CAD: variants seen among roughly 807,000 people sequenced by gnomAD.
CAD encodes the protein multifunctional protein CAD.
CAD carries 81 observed loss-of-function variants against 237.2 expected under a neutral mutation model. The observed-to-expected ratio is 0.34, with a 90% CI of 0.29 to 0.41. The LOEUF (loss-of-function observed/expected upper bound fraction) is 0.41, where lower values mean the gene tolerates loss of function less well. Ranked by LOEUF, CAD falls within the 10% of genes least tolerant of loss-of-function variation. The pLI is 1.00. For missense variants in CAD, 2,181 were observed against 2,951.7 expected (o/e 0.74, Z 6.05); for synonymous variants, 1,196 against 1,162.8 (o/e 1.03, Z -0.58).
Position 27,237,605 on chromosome 2 carries a change from C to T in CAD, c.4563+60C>T. 6.3e-7 allele frequency: 1 copy of T among 1,583,228 alleles called. No homozygotes were observed. The highest frequency in any genetic ancestry group is 1.1e-5 in the South Asian group (1 of 87,154). ...CATATGCCCCTACCAGCCACCCTTG[C>T]TTCCCTGAGCCCTTTTCCTTCTGCC... On this transcript the variant is annotated intron_variant, in intron 28 of 43. Coordinates refer to ENST00000264705, the MANE Select transcript of CAD (RefSeq NM_004341.5). The surrounding 1 kb of genome is among the most constrained non-coding windows in gnomAD (Gnocchi z 4.0).
intron 9 of CAD, 116 bp downstream of exon 9, chr2:27,224,606 G>A: frequency 6.5e-7 from 1 of 1,541,568 alleles, no homozygotes; most frequent in South Asian, 1.2e-5. Flanking sequence ...GGAATGTAGA[G>A]AAAGATGTAG....
intron 15 of CAD, chr2:27,227,529 T>C (rs948782959): frequency 6.6e-6 from 1 of 152,326 alleles, no homozygotes; most frequent in Admixed American, 6.5e-5. Context: ...TAGTGGCCTT[T>C]AAACAAGTAA....
Position 27,241,070 on chromosome 2 carries a change from C to A in CAD, c.5651C>A (p.Thr1884Asn). 6.2e-7 allele frequency: 1 copy of A among 1,609,986 alleles called. No individual in the cohort carries two copies. Among genetic ancestry groups the A allele is most frequent in the South Asian group, 1.1e-5 (1 of 90,690 alleles). Residue 1884 changes from threonine (T) to asparagine (N), a missense_variant, in exon 37 of 44, where the codon ACC becomes AAC. Transcript: ENST00000264705. This position sits in a 1 kb window ranked among gnomAD's most constrained non-coding sequence, Gnocchi z 4.6. ...RKVAEPELMG[T>N]PDGTCYPPPP... is the part of the protein sequence containing the mutation. ...TCCCTCACTGCAGAGCTGATGGGAA[C>A]CCCTGATGGCACCTGCTACCCTCCA...
intron 14 of CAD, 27 bp from the exon 15 acceptor site, chr2:27,226,805 T>C: frequency 6.2e-7 from 1 of 1,613,564 alleles, no homozygotes; most frequent in South Asian, 1.1e-5. Context: ...TCACTGTCCT[T>C]CTGGCATCCC....
chr2:27,230,420 T>C (rs1675685991), intron 15 of CAD, among the ~76,000 whole-genome samples: 1 of 151,920 alleles, frequency 6.6e-6, no homozygotes, highest in African/African-American at 2.4e-5. Flanking sequence ...GGCGGGTGGA[T>C]CACGGGGTCA....
At chr2:27,219,864 C>T (rs764125559) in intron 2 of CAD, among the ~76,000 whole-genome samples, 2 of 152,244 alleles carry the variant, frequency 1.3e-5, no homozygotes, top group African/African-American at 2.4e-5. Flanking sequence ...GCTGGGATTA[C>T]AGGCGTGAGC....
intron 15 of CAD, among the ~76,000 whole-genome samples, chr2:27,229,902 TG>T (rs1347767115): frequency 1.4e-5 from 2 of 142,094 alleles, no homozygotes; most frequent in Admixed American, 7.1e-5. Flanking sequence ...AAAAGCTAAA[TG>T]TCCTTCAGTT....
chr2:27,232,760 C>G lies in CAD; in HGVS notation c.2892+66C>G, dbSNP rs1289648082. ...GTTCATCTCTAGCAATTGCTTGGCA[C>G]TAATCCTGGCATTTCCTATTAATTG... On this transcript the variant is annotated intron_variant, in intron 18 of 43. Coordinates refer to ENST00000264705, the MANE Select transcript of CAD (RefSeq NM_004341.5). The surrounding 1 kb of genome is among the most constrained non-coding windows in gnomAD (Gnocchi z 4.1). 2.5e-6 allele frequency: 4 copies of G among 1,588,934 alleles called. No individual in the cohort carries two copies. The highest frequency in any genetic ancestry group is 1.7e-5 in the Admixed American group (1 of 59,552).
At position 27,233,976 on chromosome 2, in the gene CAD, C is replaced by A; in HGVS notation, c.3400-32C>A. On this transcript the variant is annotated intron_variant, in intron 21 of 43. Transcript: ENST00000264705. The surrounding 1 kb of genome is among the most constrained non-coding windows in gnomAD (Gnocchi z 6.3). ...AGAGTAAGTGAGAGAAGAAAGTGGC[C>A]CTATGTCCCACTGTCTGTGTCCCCC... is the stretch of plus-strand genomic sequence containing the variant. The A allele has an allele frequency of 6.3e-7, 1 of 1,591,154 alleles. No homozygotes were observed. The highest frequency in any genetic ancestry group is 8.6e-7 in the Non-Finnish European group (1 of 1,161,832).
intron 5 of CAD, 79 bp from the exon 6 acceptor site, chr2:27,222,787 T>C (rs1643234140): frequency 6.3e-7 from 1 of 1,579,332 alleles, no homozygotes; most frequent in Non-Finnish European, 8.7e-7. Context: ...CTTAACACTC[T>C]CATGGGCTGG....
intron 14 of CAD, 77 bp downstream of exon 14, chr2:27,226,726 GA>G (rs1264128998): frequency 1.2e-6 from 2 of 1,604,210 alleles, no homozygotes; most frequent in Non-Finnish European, 1.7e-6. Flanking sequence ...CAGGGAATAT[GA>G]AAAGGACATT....
Position 27,236,779 on chromosome 2 carries a change from T to C in CAD, c.4345T>C (p.Leu1449=). ...ALGQIGPAPP[L]KVHVDCMTSQ... ...AGGCCAGATCGGGCCAGCCCCTCCT[T>C]TGAAGGTGCATGTTGACTGTATGAC... Residue 1449 remains leucine, a synonymous_variant, in exon 27 of 44, where the codon TTG becomes CTG. Transcript: ENST00000264705. This position sits in a 1 kb window ranked among gnomAD's most constrained non-coding sequence, Gnocchi z 4.1. 2 of 1,614,176 alleles carry C rather than the reference T, an allele frequency of 1.2e-6. No individual in the cohort carries two copies. Among genetic ancestry groups the C allele is most frequent in the Non-Finnish European group, 1.7e-6 (2 of 1,180,030 alleles).
intron 2 of CAD, 94 bp from the exon 3 acceptor site, chr2:27,221,124 T>A (rs760578615): frequency 3.7e-5 from 41 of 1,100,020 alleles, no homozygotes; most frequent in Non-Finnish European, 5.1e-5. Context: ...CCATTCAATG[T>A]GGCTGAATAT....
intron 5 of CAD, 102 bp downstream of exon 5, chr2:27,222,762 A>G: frequency 6.4e-7 from 1 of 1,574,722 alleles, no homozygotes; most frequent in Non-Finnish European, 8.7e-7. Context: ...GCAGTGAAGA[A>G]GATAGACATT....
At position 27,242,160 on chromosome 2, in the gene CAD, G is replaced by T; in HGVS notation, c.6096+37G>T. On this transcript the variant is annotated intron_variant, in intron 39 of 43. Coordinates refer to ENST00000264705, the MANE Select transcript of CAD (RefSeq NM_004341.5). The surrounding 1 kb of genome is among the most constrained non-coding windows in gnomAD (Gnocchi z 6.4). ...CTGGGTACTGAGATGGGGTTAAGAA[G>T]GCTGGACCCAGGGGCATGAGAACCC... 1 of 1,604,710 alleles carries T rather than the reference G, an allele frequency of 6.2e-7. No individual in the cohort carries two copies.
rs1572457015 is a variant in CAD, at chr2:27,243,538, C to T, written c.*20C>T. The T allele has an allele frequency of 1.3e-6, 2 of 1,559,240 alleles. No individual in the cohort carries two copies. The highest frequency in any genetic ancestry group is 1.3e-5 in the African/African-American group (1 of 74,140). ...TTCTAGGGCCTGGCTTCCTCAGCCT[C>T]TTCTCTTTAGGCCCAGCTGCTGGGC... On this transcript the variant is annotated 3_prime_UTR_variant, in exon 44 of 44. Coordinates refer to ENST00000264705, the MANE Select transcript of CAD (RefSeq NM_004341.5).
Position 27,233,904 on chromosome 2 carries a change from T to A in CAD, c.3399+96T>A. The A allele has an allele frequency of 6.5e-7, 1 of 1,545,028 alleles. No homozygotes were observed. Among genetic ancestry groups the A allele is most frequent in the Non-Finnish European group, 8.9e-7 (1 of 1,123,880 alleles). On this transcript the variant is annotated intron_variant, in intron 21 of 43. Coordinates refer to ENST00000264705, the MANE Select transcript of CAD (RefSeq NM_004341.5). The surrounding 1 kb of genome is among the most constrained non-coding windows in gnomAD (Gnocchi z 6.3). ...CCAGCAGAATCATAGGCACCAGGGCTGGGAACAGTGGGCTATGTGGGGCTC... is the reference window on the plus strand; with the variant it reads ...CCAGCAGAATCATAGGCACCAGGGCAGGGAACAGTGGGCTATGTGGGGCTC...
At position 27,236,100 on chromosome 2, in the gene CAD, T is replaced by G. The variant is rs1182851831; in HGVS notation, c.4075-184T>G. 6.6e-6 allele frequency among the ~76,000 whole-genome samples: 1 copy of G among 152,194 alleles called. No individual in the cohort carries two copies. Among genetic ancestry groups the G allele is most frequent in the Non-Finnish European group, 1.5e-5 (1 of 68,036 alleles). ...GTCCTTGGTAACCCATCTTACTTAGTGTAGATATCTTTCCTGCCAAGAAAT... is the reference window on the plus strand; with the variant it reads ...GTCCTTGGTAACCCATCTTACTTAGGGTAGATATCTTTCCTGCCAAGAAAT... On this transcript the variant is annotated intron_variant, in intron 25 of 43. Transcript: ENST00000264705. This position sits in a 1 kb window ranked among gnomAD's most constrained non-coding sequence, Gnocchi z 4.1.
chr2:27,238,440 A>G lies in CAD; in HGVS notation c.4870A>G (p.Ile1624Val), dbSNP rs1280454871. The change falls in exon 31 of 44, where the codon ATT becomes GTT. Residue 1624 changes from isoleucine to valine, a missense_variant. By Grantham distance (29) the Ile-to-Val change is conservative. Around this residue, in one of 12 missense-constraint regions of CAD, gnomAD observed 478 missense variants for 515.0 expected, o/e 0.93. Coordinates refer to ENST00000264705, the MANE Select transcript of CAD (RefSeq NM_004341.5). ...HVARKEEILL[I>V]KAAKARGLPV... ...TCCCATTGTTCCCCAGATCCTGCTA[A>G]TTAAAGCTGCAAAGGCACGGGGCTT... is the stretch of plus-strand genomic sequence containing the variant. The G allele has an allele frequency of 4.4e-6, 7 of 1,578,138 alleles. No homozygotes were observed. The Admixed American group carries it at 1.1e-4, about 24-fold the overall frequency.
Sources: allele counts gnomAD v4.1 joint callset (sites outside exome capture counted in the v4.1 genomes callset), GRCh38; gene constraint gnomAD v4.1.1; regional missense constraint gnomAD v4.1.1; non-coding constraint Gnocchi (gnomAD v3.1); transcripts MANE v1.5; gene names NCBI Gene and HGNC (gene_info 2026-07-23, HGNC 2026-07-21).